The following KCNIP4 variants were observed in gnomAD, a reference collection of about 807,000 sequenced individuals.
KCNIP4 encodes Kv channel-interacting protein 4.
In KCNIP4, 12 loss-of-function variants were observed where a neutral mutation model predicts 34.0. That is an observed-to-expected ratio of 0.35 (90% confidence interval 0.23 to 0.57). The LOEUF (loss-of-function observed/expected upper bound fraction) is 0.57, where lower values mean the gene tolerates loss of function less well. Among genes scored for constraint, KCNIP4 ranks in the 20% least tolerant of loss-of-function variants. The pLI is 0.83. For synonymous variants in KCNIP4, 124 were observed against 102.2 expected, an observed-to-expected ratio of 1.21 and a Z score of -1.29; for missense variants, 238 against 311.7, an observed-to-expected ratio of 0.76 and a Z score of 1.78.
chr4:21,697,710 T>C (rs1712495084), intron 1 of KCNIP4: 1 of 1,220,366 alleles, frequency 8.2e-7, no homozygotes, highest in Non-Finnish European at 1.0e-6. Flanking sequence ...ACAGACAGGC[T>C]GCCGGTTCAC....
At chr4:20,935,906 T>G (rs551119636) in intron 1 of KCNIP4, among the ~76,000 whole-genome samples, 1 of 151,574 alleles carries the variant, frequency 6.6e-6, no homozygotes, top group South Asian at 2.1e-4. Context: ...CTCCCTCCTC[T>G]TCATGAGCAT....
At chr4:21,250,252 A>C (rs1460638489) in intron 1 of KCNIP4, among the ~76,000 whole-genome samples, 1 of 151,748 alleles carries the variant, frequency 6.6e-6, no homozygotes, top group Non-Finnish European at 1.5e-5. Context: ...ATATATATGC[A>C]CAAAATTGCT....
At chr4:21,727,455 TA>T (rs1715277810) in intron 1 of KCNIP4, among the ~76,000 whole-genome samples, 1 of 152,044 alleles carries the variant, frequency 6.6e-6, no homozygotes, top group Non-Finnish European at 1.5e-5. Context: ...CCATAAGGAG[TA>T]AATTATATAT....
chr4:21,770,936 C>A (rs10938854), intron 1 of KCNIP4, among the ~76,000 whole-genome samples: 13,970 of 152,172 alleles, frequency 0.092, 677 homozygotes, highest in Middle Eastern at 0.18. Context: ...TGCAGAAGCT[C>A]TTTAGTTTAA....
chr4:21,083,537 T>C (rs1383376551), intron 1 of KCNIP4, among the ~76,000 whole-genome samples: 1 of 151,608 alleles, frequency 6.6e-6, no homozygotes, highest in African/African-American at 2.4e-5. Context: ...GGCTTCTCAG[T>C]CTAGAGGGAG....
At chr4:21,411,153 C>T (rs1467536160) in intron 1 of KCNIP4, among the ~76,000 whole-genome samples, 2 of 152,070 alleles carry the variant, frequency 1.3e-5, no homozygotes, top group Non-Finnish European at 2.9e-5. Flanking sequence ...AAGAGAGGTT[C>T]GATTTTAGAC....
intron 3 of KCNIP4, among the ~76,000 whole-genome samples, chr4:20,818,917 T>C (rs78556311): frequency 0.028 from 3,876 of 140,136 alleles, 74 homozygotes; most frequent in South Asian, 0.087. Context: ...ATATATATTA[T>C]CTCTTTTTTT....
At chr4:21,888,335 T>C (rs1315229961) in intron 1 of KCNIP4, among the ~76,000 whole-genome samples, 2 of 152,128 alleles carry the variant, frequency 1.3e-5, no homozygotes, top group African/African-American at 2.4e-5. Flanking sequence ...TGGAACATTA[T>C]GCAAAGTGTG....
intron 1 of KCNIP4, among the ~76,000 whole-genome samples, chr4:21,551,524 T>C (rs976866259): frequency 2.6e-5 from 4 of 152,132 alleles, no homozygotes; most frequent in Admixed American, 2.6e-4. Context: ...TGCTGTGAAC[T>C]GTTACCAAAA....
chr4:21,033,114 A>C (rs950077772), intron 1 of KCNIP4, among the ~76,000 whole-genome samples: 13 of 152,216 alleles, frequency 8.5e-5, no homozygotes, highest in African/African-American at 3.1e-4. Context: ...AAATAAATAA[A>C]TAAAATTTAA....
At chr4:21,226,386 A>AAGGAAGGAAG (rs1758408584) in intron 1 of KCNIP4, among the ~76,000 whole-genome samples, 1 of 92,722 alleles carries the variant, frequency 1.1e-5, no homozygotes, top group Non-Finnish European at 2.0e-5. Context: ...AAGGAAGGAA[A>AAGGAAGGAAG]TAATTCGGTG....
intron 1 of KCNIP4, among the ~76,000 whole-genome samples, chr4:21,565,734 T>C (rs1315092241): frequency 6.6e-6 from 1 of 152,092 alleles, no homozygotes; most frequent in Admixed American, 6.6e-5. Context: ...GAGGAGAAAG[T>C]ATATAAAAAG....
At chr4:21,453,078 C>T (rs1213020003) in intron 1 of KCNIP4, among the ~76,000 whole-genome samples, 1 of 151,878 alleles carries the variant, frequency 6.6e-6, no homozygotes, top group Non-Finnish European at 1.5e-5. Flanking sequence ...GAACTACAGG[C>T]TCAAAGAAAA....
At chr4:21,917,221 A>T (rs950387079) in intron 1 of KCNIP4, among the ~76,000 whole-genome samples, 2 of 151,284 alleles carry the variant, frequency 1.3e-5, no homozygotes, top group Non-Finnish European at 2.9e-5. Context: ...TGCAACCTCC[A>T]CCTCTCGGGT....
At chr4:21,503,775 C>T (rs1036391858) in intron 1 of KCNIP4, among the ~76,000 whole-genome samples, 1 of 152,098 alleles carries the variant, frequency 6.6e-6, no homozygotes, top group African/African-American at 2.4e-5. Context: ...AATGCTAAGG[C>T]CAGATGAAAT....
At chr4:21,888,844 C>T (rs772454385) in intron 1 of KCNIP4, among the ~76,000 whole-genome samples, 3 of 152,084 alleles carry the variant, frequency 2.0e-5, no homozygotes, top group Non-Finnish European at 2.9e-5. Context: ...TGGTCTTTGG[C>T]TTCACATCCA....
intron 1 of KCNIP4, among the ~76,000 whole-genome samples, chr4:21,546,959 G>A (rs1425837419): frequency 6.6e-6 from 1 of 152,066 alleles, no homozygotes; most frequent in African/African-American, 2.4e-5. Flanking sequence ...AATAGGAAAT[G>A]TTATTTTACA....
At chr4:21,335,268 G>T (rs1042377727) in intron 1 of KCNIP4, among the ~76,000 whole-genome samples, 7 of 143,670 alleles carry the variant, frequency 4.9e-5, no homozygotes, top group African/African-American at 1.9e-4. Flanking sequence ...GTGAACCAAC[G>T]GCTGCAACTA....
intron 3 of KCNIP4, among the ~76,000 whole-genome samples, chr4:20,805,157 T>G (rs2149424497): frequency 7.0e-6 from 1 of 143,352 alleles, no homozygotes; most frequent in Non-Finnish European, 1.5e-5. Flanking sequence ...ATCAGGAAAA[T>G]ACTAAGCAGA....
Sources: gnomAD v4.1 joint callset for allele counts (sites outside exome capture counted in the v4.1 genomes callset) on GRCh38, gnomAD v4.1.1 for gene constraint, MANE v1.5 for transcripts, NCBI Gene and HGNC (gene_info 2026-07-23, HGNC 2026-07-21) for gene names.